The following KCNK1 variants were observed in gnomAD, a reference collection of about 807,000 sequenced individuals.
KCNK1 encodes potassium two pore domain channel subfamily K member 1.
In KCNK1, 10 loss-of-function variants were observed where a neutral mutation model predicts 22.2. The ratio of observed to expected loss-of-function variants is 0.45; its 90% CI spans 0.28 to 0.76. The LOEUF (loss-of-function observed/expected upper bound fraction) is 0.76. KCNK1 is among the 30% of genes least tolerant of loss of function. The pLI is 0.14. For missense variants in KCNK1, 378 were observed against 421.0 expected, an observed-to-expected ratio of 0.90 and a Z score of 0.89; for synonymous variants, 200 against 186.4, an observed-to-expected ratio of 1.07 and a Z score of -0.60.
intron 1 of KCNK1, among the ~76,000 whole-genome samples, chr1:233,656,845 T>C (rs969836156): frequency 7.9e-5 from 12 of 152,166 alleles, no homozygotes; most frequent in Non-Finnish European, 1.8e-4. Context: ...CTTGAGCTCC[T>C]GGCCTCAAGC....
intron 2 of KCNK1, 61 bp from the exon 3 acceptor site, chr1:233,671,210 C>T: frequency 6.7e-7 from 1 of 1,488,168 alleles, no homozygotes; most frequent in South Asian, 1.2e-5. Flanking sequence ...AGGTAAATCA[C>T]TCGCTACTTG....
In KCNK1 at chr1:233,672,027, T is replaced by C. The variant is rs1048226245; in HGVS notation, c.*497T>C. On this transcript the variant is annotated 3_prime_UTR_variant, in exon 3 of 3. Transcript: ENST00000366621. ...TTTGTAGAATCTAAGTTAAACTTAC[T>C]ATTTATAATGCATAGGTAACCATTA... 6.2e-6 allele frequency: 1 copy of C among 162,212 alleles called. No homozygotes were observed. The highest frequency in any genetic ancestry group is 1.4e-5 in the Non-Finnish European group (1 of 73,592). 10.0% of individuals were successfully genotyped at this position (162,212 alleles called of 1,614,324 possible). A position where few individuals can be genotyped will look rare whatever the true frequency, so the allele number is the denominator to read the frequency against.
chr1:233,650,628 C>A (rs768106158), intron 1 of KCNK1, among the ~76,000 whole-genome samples: 4 of 151,990 alleles, frequency 2.6e-5, no homozygotes, highest in Non-Finnish European at 5.9e-5. Context: ...TTCATTTAAC[C>A]CTCATAACAC....
intron 1 of KCNK1, 116 bp from the exon 2 acceptor site, chr1:233,666,479 C>T (rs189901734): frequency 1.7e-5 from 17 of 973,006 alleles, no homozygotes; most frequent in African/African-American, 6.5e-5. Flanking sequence ...CCTGAAGTCT[C>T]GCTGTTCTCT....
intron 1 of KCNK1, among the ~76,000 whole-genome samples, chr1:233,640,837 T>A (rs1443498307): frequency 2.6e-5 from 4 of 152,174 alleles, no homozygotes; most frequent in African/African-American, 9.7e-5. Context: ...CCCATGTAGC[T>A]AAGATTAAAG....
chr1:233,638,425 A>G lies in KCNK1; in HGVS notation c.355+23899A>G, dbSNP rs768908793. ...TGACCAATACCTAAAAAAGAGAGAA[A>G]AAAAAAAAAGAATGAAATTGTCAAC... On this transcript the variant is annotated intron_variant, in intron 1 of 2. Transcript: ENST00000366621. Among the ~76,000 whole-genome samples the G allele has an allele frequency of 7.9e-4, 119 of 151,262 alleles. 1 individual carries two copies. Among genetic ancestry groups the G allele is most frequent in the Middle Eastern group, 3.4e-3 (1 of 294 alleles).
At chr1:233,638,927 G>A (rs770985096) in intron 1 of KCNK1, among the ~76,000 whole-genome samples, 7 of 152,158 alleles carry the variant, frequency 4.6e-5, no homozygotes, top group Non-Finnish European at 8.8e-5. Context: ...CTACCTCGGG[G>A]TAAATGTCCA....
Position 233,671,529 on chromosome 1 carries a change from G to T in KCNK1, c.1010G>T (p.Ter337LeuextTer2). 6.2e-7 allele frequency: 1 copy of T among 1,613,910 alleles called. No homozygotes were observed. Among genetic ancestry groups the T allele is most frequent in the Non-Finnish European group, 8.5e-7 (1 of 1,180,034 alleles). ...SACVDGPANH* is the reference protein window; with the variant it reads ...SACVDGPANHL ...TGCGTGGATGGCCCTGCAAACCATTGAGCGTAGGATTTGTTGCATTATGCT... is the reference window on the plus strand; with the variant it reads ...TGCGTGGATGGCCCTGCAAACCATTTAGCGTAGGATTTGTTGCATTATGCT... Residue 337 changes from the stop codon to leucine (L), a stop_lost, in exon 3 of 3, where the codon TGA (stop) becomes TTA (leucine). Coordinates refer to ENST00000366621, the MANE Select transcript of KCNK1 (RefSeq NM_002245.4).
At chr1:233,660,568 T>C (rs1423386277) in intron 1 of KCNK1, 1 of 152,244 alleles carries the variant, frequency 6.6e-6, no homozygotes, top group Admixed American at 6.5e-5. Context: ...ATGTAGGTTA[T>C]GCCTACGTTC....
chr1:233,669,218 C>G (rs1484785576), intron 2 of KCNK1, among the ~76,000 whole-genome samples: 1 of 152,060 alleles, frequency 6.6e-6, no homozygotes, highest in Non-Finnish European at 1.5e-5. Context: ...TATTCTGTGA[C>G]TTGGAAAGTA....
chr1:233,620,701 T>G (rs1332556039), intron 1 of KCNK1, among the ~76,000 whole-genome samples: 1 of 152,254 alleles, frequency 6.6e-6, no homozygotes, highest in Non-Finnish European at 1.5e-5. Flanking sequence ...GGTCTTGATT[T>G]TGAGCCTTTA....
At chr1:233,635,938 G>T (rs1558111898) in intron 1 of KCNK1, among the ~76,000 whole-genome samples, 1 of 152,200 alleles carries the variant, frequency 6.6e-6, no homozygotes, top group Non-Finnish European at 1.5e-5. Context: ...ACTTGGGTAG[G>T]CTTCTCTGAG....
intron 1 of KCNK1, among the ~76,000 whole-genome samples, chr1:233,666,232 G>A (rs2102910918): frequency 6.6e-6 from 1 of 152,296 alleles, no homozygotes; most frequent in Admixed American, 6.5e-5. Context: ...ACTGGCCCTG[G>A]TGAAGTGGGT....
At chr1:233,632,442 G>C (rs1212756174) in intron 1 of KCNK1, among the ~76,000 whole-genome samples, 1 of 151,978 alleles carries the variant, frequency 6.6e-6, no homozygotes, top group Non-Finnish European at 1.5e-5. Flanking sequence ...TGAACCTCAG[G>C]GTTCATTTTT....
rs145708026 is a variant in KCNK1 at position 233,623,934 on chromosome 1, T to G, written c.355+9408T>G. Among the ~76,000 whole-genome samples, 56 of 152,208 alleles carry G rather than the reference T, an allele frequency of 3.7e-4. No individual in the cohort carries two copies. In the East Asian group the frequency reaches 0.01, roughly 27 times the overall value. On this transcript the variant is annotated intron_variant, in intron 1 of 2. Coordinates refer to ENST00000366621, the MANE Select transcript of KCNK1 (RefSeq NM_002245.4). ...AAAAAGAAAGTAAACCTGAAACTAT[T>G]CAAGTCAAAAAACAAAACAAAAGCA... is the stretch of plus-strand genomic sequence containing the variant.
At chr1:233,639,999 A>G (rs1657975011) in intron 1 of KCNK1, among the ~76,000 whole-genome samples, 2 of 152,060 alleles carry the variant, frequency 1.3e-5, no homozygotes, top group Non-Finnish European at 2.9e-5. Flanking sequence ...CAATATTCTC[A>G]TTTTTCAAGT....
chr1:233,616,363 A>G (rs144026741), intron 1 of KCNK1, among the ~76,000 whole-genome samples: 5 of 152,328 alleles, frequency 3.3e-5, no homozygotes, highest in African/African-American at 1.2e-4. Context: ...TTAACATCAT[A>G]TTGTCTAATT....
At chr1:233,634,073 C>A (rs181382170) in intron 1 of KCNK1, among the ~76,000 whole-genome samples, 1 of 151,944 alleles carries the variant, frequency 6.6e-6, no homozygotes, top group Non-Finnish European at 1.5e-5. Flanking sequence ...TTTGGGAGGC[C>A]GAGGCGGGCG....
At chr1:233,632,272 GCT>G (rs1657811357) in intron 1 of KCNK1, among the ~76,000 whole-genome samples, 2 of 152,176 alleles carry the variant, frequency 1.3e-5, no homozygotes, top group Non-Finnish European at 2.9e-5. Flanking sequence ...TAACATCGTT[GCT>G]CTGTTTTCTA....
Sources: allele counts gnomAD v4.1 joint callset (sites outside exome capture counted in the v4.1 genomes callset), GRCh38; gene constraint gnomAD v4.1.1; transcripts MANE v1.5; gene names NCBI Gene and HGNC (gene_info 2026-07-23, HGNC 2026-07-21).